The following MLLT3 variants were observed in gnomAD, a reference collection of about 807,000 sequenced individuals.
The protein encoded by MLLT3 is protein AF-9.
Under a neutral mutation model 53.2 loss-of-function variants are expected in MLLT3, and 4 were observed. The observed-to-expected ratio is 0.08, with a 90% confidence interval of 0.04 to 0.17. MLLT3 has a LOEUF of 0.17. Among genes scored for constraint, MLLT3 ranks in the 10% least tolerant of loss-of-function variants. MLLT3 has a pLI of 1.00. For missense variants in MLLT3, 569 were observed against 684.0 expected (o/e 0.83, Z 1.87); for synonymous variants, 283 against 230.6 (o/e 1.23, Z -2.06).
At chr9:20,386,960 T>C (rs1822052059) in intron 5 of MLLT3, among the ~76,000 whole-genome samples, 1 of 152,240 alleles carries the variant, frequency 6.6e-6, no homozygotes, top group Admixed American at 6.5e-5. Context: ...CTGGTAAAAT[T>C]CTACTATTCT....
chr9:20,346,394 C>CAAAAAAAAAAAAAAAAAA lies in MLLT3; in HGVS notation c.*48_*49insTTTTTTTTTTTTTTTTTT. ...AAATCACAACCAAAAAAAAAAAAAA[C>CAAAAAAAAAAAAAAAAAA]CAAAAAAAAAAAACACAATAGTTCT... On this transcript the variant is annotated 3_prime_UTR_variant, in exon 11 of 11. Coordinates refer to ENST00000380338, the MANE Select transcript of MLLT3 (RefSeq NM_004529.4). 1 of 1,208,550 alleles carries CAAAAAAAAAAAAAAAAAA rather than the reference C, an allele frequency of 8.3e-7. No individual in the cohort carries two copies. Among genetic ancestry groups the CAAAAAAAAAAAAAAAAAA allele is most frequent in the Non-Finnish European group, 1.1e-6 (1 of 924,892 alleles). 74.9% of individuals were successfully genotyped at this position (1,208,550 alleles called of 1,614,324 possible). A position where few individuals can be genotyped will look rare whatever the true frequency, so the allele number is the denominator to read the frequency against.
chr9:20,431,583 G>A (rs1468980830), intron 4 of MLLT3, among the ~76,000 whole-genome samples: 1 of 151,994 alleles, frequency 6.6e-6, no homozygotes, highest in Non-Finnish European at 1.5e-5. Context: ...ATGTATATGG[G>A]TACTTGATCA....
chr9:20,413,396 T>G (rs959820177), intron 5 of MLLT3, among the ~76,000 whole-genome samples: 1 of 152,240 alleles, frequency 6.6e-6, no homozygotes, highest in Non-Finnish European at 1.5e-5. Flanking sequence ...CTCACTTTCC[T>G]AAGTCATCAC....
chr9:20,522,964 A>T (rs1426324875), intron 2 of MLLT3, among the ~76,000 whole-genome samples: 3 of 151,850 alleles, frequency 2.0e-5, no homozygotes, highest in Admixed American at 2.0e-4. Flanking sequence ...CCTGTCTTAA[A>T]AAATAAATAA....
intron 2 of MLLT3, among the ~76,000 whole-genome samples, chr9:20,504,533 A>T (rs1470454140): frequency 6.6e-6 from 1 of 152,180 alleles, no homozygotes; most frequent in Non-Finnish European, 1.5e-5. Context: ...GTGTATGTGT[A>T]ATCTAAAAAA....
chr9:20,605,776 C>CA (rs915247131), intron 2 of MLLT3, among the ~76,000 whole-genome samples: 9 of 151,978 alleles, frequency 5.9e-5, no homozygotes, highest in African/African-American at 2.2e-4. Context: ...ATAAATATAT[C>CA]AAACATACTT....
Position 20,565,970 on chromosome 9 carries a change from A to ATATATATATATATT in MLLT3, c.193+54670_193+54683dup, listed in dbSNP as rs1563820615. Among the ~76,000 whole-genome samples, 25 of 28,626 alleles carry ATATATATATATATT rather than the reference A, an allele frequency of 8.7e-4. No homozygotes were observed. The South Asian group carries it at 0.014, about 16-fold the overall frequency. 18.8% of individuals were successfully genotyped at this position (28,626 alleles called of 152,430 possible). On this transcript the variant is annotated intron_variant, in intron 2 of 10. Transcript: ENST00000380338. Reference sequence around the variant, plus strand: ...TATATATATTTATATATATATATTTATATATATATATATTTATTTATATAT... The same window carrying ATATATATATATATT: ...TATATATATTTATATATATATATTTATATATATATATATTTATATATATATATTTATTTATATAT...
intron 2 of MLLT3, among the ~76,000 whole-genome samples, chr9:20,461,800 C>T (rs1824114204): frequency 6.6e-6 from 1 of 152,080 alleles, no homozygotes; most frequent in Admixed American, 6.5e-5. Context: ...CATCTGAATA[C>T]TTTTGTTAAG....
chr9:20,518,136 A>G (rs1438974848), intron 2 of MLLT3, among the ~76,000 whole-genome samples: 1 of 152,142 alleles, frequency 6.6e-6, no homozygotes, highest in Non-Finnish European at 1.5e-5. Flanking sequence ...ACCTGAGGTC[A>G]GGAGTTCGCA....
intron 2 of MLLT3, among the ~76,000 whole-genome samples, chr9:20,517,167 G>A (rs1817936943): frequency 6.6e-6 from 1 of 152,030 alleles, no homozygotes; most frequent in African/African-American, 2.4e-5. Flanking sequence ...TAATGTCATT[G>A]GAATTTTGGA....
chr9:20,381,343 A>G (rs991015431), intron 5 of MLLT3, among the ~76,000 whole-genome samples: 5 of 151,948 alleles, frequency 3.3e-5, no homozygotes, highest in African/African-American at 1.2e-4. Context: ...AGTTCCAGGA[A>G]AATTTATTTC....
At chr9:20,490,485 G>C (rs1027947579) in intron 2 of MLLT3, among the ~76,000 whole-genome samples, 3 of 152,230 alleles carry the variant, frequency 2.0e-5, no homozygotes, top group Non-Finnish European at 4.4e-5. Flanking sequence ...CCAGCTAACA[G>C]TTGGCAAAGA....
intron 2 of MLLT3, among the ~76,000 whole-genome samples, chr9:20,607,620 T>G (rs1367523630): frequency 1.3e-5 from 2 of 152,046 alleles, no homozygotes; most frequent in African/African-American, 2.4e-5. Flanking sequence ...TAAGGTAGAG[T>G]TAATCTATTT....
intron 5 of MLLT3, among the ~76,000 whole-genome samples, chr9:20,393,417 C>T (rs146360566): frequency 1.3e-5 from 2 of 152,186 alleles, no homozygotes; most frequent in African/African-American, 4.8e-5. Flanking sequence ...CACTTTATCA[C>T]TGGATGCTGA....
chr9:20,599,043 C>T (rs905213278), intron 2 of MLLT3, among the ~76,000 whole-genome samples: 1 of 152,168 alleles, frequency 6.6e-6, no homozygotes, highest in Non-Finnish European at 1.5e-5. Flanking sequence ...CGGTGGCTCA[C>T]GCCTGTAATC....
At chr9:20,399,404 G>C (rs1458597668) in intron 5 of MLLT3, among the ~76,000 whole-genome samples, 2 of 152,148 alleles carry the variant, frequency 1.3e-5, no homozygotes, top group African/African-American at 4.8e-5. Context: ...AGAGCTGTGA[G>C]ATTAGAAAAT....
At position 20,426,047 on chromosome 9, in the gene MLLT3, TGTAC is replaced by T. The variant is rs1823132299; in HGVS notation, c.421-11626_421-11623del. ...TGACTATGACTTGTTTCAGCTATGTTGTACGTGCTATAAAATCCTTTTGTTTCAG... is the reference window on the plus strand; with the variant it reads ...TGACTATGACTTGTTTCAGCTATGTTGTGCTATAAAATCCTTTTGTTTCAG... On this transcript the variant is annotated intron_variant, in intron 4 of 10. Coordinates refer to ENST00000380338, the MANE Select transcript of MLLT3 (RefSeq NM_004529.4). Among the ~76,000 whole-genome samples the T allele has an allele frequency of 2.6e-5, 4 of 152,188 alleles. No homozygotes were observed. The South Asian group carries it at 8.3e-4, about 32-fold the overall frequency.
intron 5 of MLLT3, among the ~76,000 whole-genome samples, chr9:20,394,846 C>T (rs972829906): frequency 2.6e-5 from 4 of 152,044 alleles, no homozygotes; most frequent in South Asian, 2.1e-4. Flanking sequence ...GAAATCTTGG[C>T]TTATTTCAAC....
intron 2 of MLLT3, among the ~76,000 whole-genome samples, chr9:20,465,313 A>G (rs1824208451): frequency 6.6e-6 from 1 of 151,200 alleles, no homozygotes; most frequent in Non-Finnish European, 1.5e-5. Flanking sequence ...ATTCACCTTA[A>G]AAGGATAATT....
Sources: gnomAD v4.1 joint callset for allele counts (sites outside exome capture counted in the v4.1 genomes callset) on GRCh38, gnomAD v4.1.1 for gene constraint, MANE v1.5 for transcripts, NCBI Gene and HGNC (gene_info 2026-07-23, HGNC 2026-07-21) for gene names.